Variants in DOCK3 observed in about 807,000 individuals in gnomAD.
The protein encoded by DOCK3 is dedicator of cytokinesis protein 3.
A neutral mutation model predicts 265.6 loss-of-function variants in DOCK3; 60 were observed. The ratio of observed to expected loss-of-function variants is 0.23; its 90% CI spans 0.18 to 0.28. DOCK3 has a LOEUF of 0.28. DOCK3 is among the 10% of genes least tolerant of loss of function. The pLI is 1.00. For missense variants in DOCK3, 1,981 were observed against 2,594.3 expected, an observed-to-expected ratio of 0.76 and a Z score of 5.14; for synonymous variants, 881 against 938.0, an observed-to-expected ratio of 0.94 and a Z score of 1.11.
intron 52 of DOCK3, 97 bp from the exon 53 acceptor site, chr3:51,380,953 A>G (rs1553618337): frequency 1.4e-6 from 2 of 1,428,848 alleles, no homozygotes; most frequent in African/African-American, 1.4e-5. Flanking sequence ...GATGAGGGTT[A>G]AAGTTCATTC....
chr3:51,080,772 C>T (rs2082205843), intron 7 of DOCK3, among the ~76,000 whole-genome samples: 1 of 152,092 alleles, frequency 6.6e-6, no homozygotes, highest in African/African-American at 2.4e-5. Flanking sequence ...AGTAAATCTA[C>T]TTGAGAAAAA....
chr3:50,687,365 G>C (rs2034900315), intron 1 of DOCK3, among the ~76,000 whole-genome samples: 1 of 152,208 alleles, frequency 6.6e-6, no homozygotes, highest in Admixed American at 6.5e-5. Flanking sequence ...TGAGCAGGTT[G>C]AATATGTCAC....
chr3:50,914,237 G>C (rs528733539), intron 4 of DOCK3, among the ~76,000 whole-genome samples: 2 of 151,486 alleles, frequency 1.3e-5, no homozygotes, highest in East Asian at 3.9e-4. Context: ...CTTTAGGTTT[G>C]GTTTGTTCTT....
intron 46 of DOCK3, among the ~76,000 whole-genome samples, chr3:51,358,501 CCTT>C (rs988194117): frequency 5.3e-5 from 8 of 152,164 alleles, no homozygotes; most frequent in East Asian, 1.9e-4. Context: ...CTCTCCCTGT[CCTT>C]CTTCATTCTT....
chr3:50,747,741 A>G (rs962973887), intron 1 of DOCK3, among the ~76,000 whole-genome samples: 5 of 152,050 alleles, frequency 3.3e-5, no homozygotes, highest in African/African-American at 1.2e-4. Flanking sequence ...GCGCATGCCT[A>G]TAATCCCAGC....
At chr3:50,705,720 C>T (rs960711963) in intron 1 of DOCK3, among the ~76,000 whole-genome samples, 4 of 152,084 alleles carry the variant, frequency 2.6e-5, no homozygotes, top group Non-Finnish European at 5.9e-5. Flanking sequence ...CAGTCGAGAT[C>T]TGATGGTTTT....
At chr3:51,193,334 A>C (rs1180677519) in intron 12 of DOCK3, among the ~76,000 whole-genome samples, 3 of 152,040 alleles carry the variant, frequency 2.0e-5, no homozygotes, top group Admixed American at 2.0e-4. Flanking sequence ...TTTGTTTAGG[A>C]TGTTAGCATC....
Position 51,315,128 on chromosome 3 carries a change from G to A in DOCK3, c.3402G>A (p.Gln1134=). The part of the protein sequence containing the change: ...WEQRKNGNFK[Q]VEAELIDKLD... The stretch of plus-strand genomic sequence containing the variant: ...AGAGAAAAAATGGCAACTTCAAACA[G>A]GTAAGACACCTGGCAGTGTTCGGGG... Residue 1134 remains glutamine (Q), a splice_region_variant and synonymous_variant, in exon 32 of 53, where the codon CAG becomes CAA. Coordinates refer to ENST00000266037, the MANE Select transcript of DOCK3 (RefSeq NM_004947.5). The A allele has an allele frequency of 6.2e-6, 10 of 1,604,120 alleles. No homozygotes were observed. The highest frequency in any genetic ancestry group is 6.8e-6 in the Non-Finnish European group (8 of 1,173,390).
chr3:50,776,814 T>C (rs2041628766), intron 1 of DOCK3, among the ~76,000 whole-genome samples: 1 of 152,160 alleles, frequency 6.6e-6, no homozygotes, highest in South Asian at 2.1e-4. Flanking sequence ...CCCAGCACCA[T>C]TTATTGAATA....
intron 3 of DOCK3, among the ~76,000 whole-genome samples, chr3:50,883,028 A>G (rs1330280220): frequency 6.6e-6 from 1 of 152,162 alleles, no homozygotes; most frequent in Non-Finnish European, 1.5e-5. Context: ...CAGAAAACCA[A>G]ACACTGCATG....
chr3:50,684,828 A>G lies in DOCK3; in HGVS notation c.37+9528A>G, dbSNP rs955467349. Among the ~76,000 whole-genome samples the G allele has an allele frequency of 5.9e-5, 9 of 152,128 alleles. No individual in the cohort carries two copies. The South Asian group carries it at 6.2e-4, about 11-fold the overall frequency. On this transcript the variant is annotated intron_variant, in intron 1 of 52. Transcript: ENST00000266037. ...AAATATGACTTATCTAGTCTTTTCT[A>G]TATTGTGAATTCAGTATCTTGAATA...
intron 49 of DOCK3, among the ~76,000 whole-genome samples, chr3:51,366,474 G>C (rs936581931): frequency 6.6e-6 from 1 of 151,676 alleles, no homozygotes; most frequent in Non-Finnish European, 1.5e-5. Flanking sequence ...AGGGTTTTTT[G>C]TATCTCTATC....
intron 3 of DOCK3, chr3:50,881,386 A>G (rs1490249098): frequency 3.3e-5 from 5 of 151,988 alleles, no homozygotes; most frequent in Non-Finnish European, 7.4e-5. Context: ...TCTCAGCCCA[A>G]AATCTCCTTA....
At chr3:50,980,934 C>T (rs1016756823) in intron 5 of DOCK3, among the ~76,000 whole-genome samples, 2 of 151,106 alleles carry the variant, frequency 1.3e-5, no homozygotes, top group African/African-American at 4.9e-5. Flanking sequence ...CTTTGTATTA[C>T]CTTTCATCTG....
At chr3:51,204,776 A>G (rs1435796829) in intron 12 of DOCK3, among the ~76,000 whole-genome samples, 1 of 151,916 alleles carries the variant, frequency 6.6e-6, no homozygotes, top group Non-Finnish European at 1.5e-5. Context: ...CAAATGTACA[A>G]CAATGATAGA....
chr3:50,823,900 T>C (rs1360363455), intron 2 of DOCK3, among the ~76,000 whole-genome samples: 1 of 152,278 alleles, frequency 6.6e-6, no homozygotes, highest in Non-Finnish European at 1.5e-5. Context: ...TATACATTCA[T>C]TATTTTAACT....
chr3:51,003,367 A>G (rs2078552831), intron 5 of DOCK3, among the ~76,000 whole-genome samples: 1 of 152,236 alleles, frequency 6.6e-6, no homozygotes, highest in African/African-American at 2.4e-5. Context: ...AGGTCAATTT[A>G]CAAGTGAAAT....
intron 5 of DOCK3, among the ~76,000 whole-genome samples, chr3:51,048,856 C>T (rs2080877627): frequency 6.7e-6 from 1 of 148,652 alleles, no homozygotes; most frequent in Non-Finnish European, 1.5e-5. Flanking sequence ...GAGCGAGACT[C>T]CATCTCAAAA....
chr3:51,333,458 G>T (rs771289324), intron 35 of DOCK3, among the ~76,000 whole-genome samples: 6 of 152,184 alleles, frequency 3.9e-5, no homozygotes, highest in Non-Finnish European at 5.9e-5. Context: ...GGCCTCCTGG[G>T]ATTCCCCACT....
Sources: allele counts gnomAD v4.1 joint callset (sites outside exome capture counted in the v4.1 genomes callset), GRCh38; gene constraint gnomAD v4.1.1; transcripts MANE v1.5; gene names NCBI Gene and HGNC (gene_info 2026-07-23, HGNC 2026-07-21).